MCM9: variants seen among roughly 807,000 people sequenced by gnomAD.
MCM9 encodes minichromosome maintenance 9 homologous recombination repair factor, also known as DNA helicase MCM9.
MCM9 carries 55 observed loss-of-function variants against 72.8 expected under a neutral mutation model. The observed-to-expected ratio is 0.76, with a 90% CI of 0.61 to 0.95. The LOEUF is 0.95. MCM9 is among the 40% of genes least tolerant of loss of function. MCM9 has a pLI of 0.00. For missense variants in MCM9, 1,279 were observed against 1,377.0 expected, an observed-to-expected ratio of 0.93 and a Z score of 1.13; for synonymous variants, 480 against 503.4, an observed-to-expected ratio of 0.95 and a Z score of 0.62.
intron 13 of MCM9, among the ~76,000 whole-genome samples, chr6:118,825,863 A>G (rs145914783): frequency 6.6e-6 from 1 of 152,260 alleles, no homozygotes; most frequent in East Asian, 1.9e-4. Flanking sequence ...TGGAGCAAAG[A>G]CAAGCTATCC....
At chr6:118,817,239 T>A (rs983036159) in intron 13 of MCM9, among the ~76,000 whole-genome samples, 14 of 151,994 alleles carry the variant, frequency 9.2e-5, no homozygotes, top group Non-Finnish European at 1.5e-5. Context: ...TCATTTAGGT[T>A]TTAAGCCCCA....
chr6:118,820,544 C>T (rs1479659485), intron 13 of MCM9, among the ~76,000 whole-genome samples: 1 of 152,010 alleles, frequency 6.6e-6, no homozygotes. Context: ...ACTTCCAATT[C>T]TGTGGTCAAT....
At chr6:118,933,089 C>A (rs1302342141) in intron 1 of MCM9, among the ~76,000 whole-genome samples, 2 of 152,098 alleles carry the variant, frequency 1.3e-5, no homozygotes, top group Non-Finnish European at 2.9e-5. Flanking sequence ...CAGTGCACTA[C>A]CAGTGGTCAA....
chr6:118,927,793 T>C (rs770041701), intron 3 of MCM9, among the ~76,000 whole-genome samples: 6 of 152,194 alleles, frequency 3.9e-5, no homozygotes, highest in African/African-American at 7.2e-5. Flanking sequence ...TAGAAAGCTA[T>C]CTTTAATTTG....
intron 9 of MCM9, among the ~76,000 whole-genome samples, chr6:118,841,705 A>C (rs780047125): frequency 2.6e-5 from 4 of 152,158 alleles, no homozygotes; most frequent in Non-Finnish European, 5.9e-5. Flanking sequence ...GTCTTGTTAC[A>C]CGGTTGTGAA....
At chr6:118,901,611 T>C (rs902735828) in intron 8 of MCM9, among the ~76,000 whole-genome samples, 1 of 152,236 alleles carries the variant, frequency 6.6e-6, no homozygotes, top group Non-Finnish European at 1.5e-5. Context: ...AAAAGTGTTA[T>C]TTCTTTTAAT....
At chr6:118,836,815 A>C (rs1356546965) in intron 9 of MCM9, among the ~76,000 whole-genome samples, 1 of 152,038 alleles carries the variant, frequency 6.6e-6, no homozygotes, top group Admixed American at 6.5e-5. Context: ...TGATTTTTTG[A>C]AGGGTTTTTC....
At chr6:118,827,865 A>G in intron 11 of MCM9, 62 bp downstream of exon 11, 2 of 1,452,700 alleles carry the variant, frequency 1.4e-6, no homozygotes, top group Non-Finnish European at 9.4e-7. Flanking sequence ...CATGGTGCCA[A>G]GCCCCATGCC....
chr6:118,836,458 G>A, intron 9 of MCM9, among the ~76,000 whole-genome samples: 1 of 152,212 alleles, frequency 6.6e-6, no homozygotes, highest in Non-Finnish European at 1.5e-5. Flanking sequence ...GAATCTGGCT[G>A]TGAATCCGCC....
chr6:118,914,811 G>A (rs899736332), intron 6 of MCM9, among the ~76,000 whole-genome samples: 3 of 152,146 alleles, frequency 2.0e-5, no homozygotes, highest in African/African-American at 7.2e-5. Context: ...ATATCCCTGT[G>A]GTAAGAGGAC....
intron 9 of MCM9, among the ~76,000 whole-genome samples, chr6:118,838,159 C>CTTTTTTTT (rs759862698): frequency 5.8e-5 from 7 of 119,712 alleles, no homozygotes; most frequent in South Asian, 2.7e-4. Context: ...GTTGAAAATT[C>CTTTTTTTT]TTTTTTTTTT....
At chr6:118,893,962 T>TCCGCCCCCCA in intron 8 of MCM9, 1 of 903,528 alleles carries the variant, frequency 1.1e-6, no homozygotes, top group African/African-American at 2.0e-5. Context: ...CCACGCCCCC[T>TCCGCCCCCCA]CCGCCCCTCT....
intron 8 of MCM9, among the ~76,000 whole-genome samples, chr6:118,875,004 T>C (rs572985558): frequency 5.3e-4 from 81 of 152,230 alleles, no homozygotes; most frequent in African/African-American, 1.8e-3. Flanking sequence ...TCCCAGCTTC[T>C]TGGGAGGCTG....
chr6:118,932,181 A>G (rs1387788675), intron 2 of MCM9, among the ~76,000 whole-genome samples: 3 of 152,210 alleles, frequency 2.0e-5, no homozygotes, highest in Admixed American at 2.0e-4. Flanking sequence ...TGCGAACAGT[A>G]TTCAGTACAA....
intron 8 of MCM9, chr6:118,893,915 C>T: frequency 6.4e-6 from 4 of 627,728 alleles, no homozygotes; most frequent in Admixed American, 6.4e-5. Flanking sequence ...TCGGCCGGAT[C>T]GCGCCCTCCC....
At chr6:118,863,771 G>A (rs181007772) in intron 8 of MCM9, among the ~76,000 whole-genome samples, 5 of 151,548 alleles carry the variant, frequency 3.3e-5, no homozygotes, top group African/African-American at 1.2e-4. Flanking sequence ...GAACTCTGCA[G>A]AGAGTCCTCA....
intron 8 of MCM9, among the ~76,000 whole-genome samples, chr6:118,899,129 C>T (rs773480413): frequency 6.6e-5 from 10 of 152,188 alleles, no homozygotes; most frequent in Non-Finnish European, 1.3e-4. Flanking sequence ...GTCCATGCCA[C>T]CATAATTTCT....
intron 8 of MCM9, chr6:118,893,951 G>T: frequency 1.1e-6 from 1 of 939,610 alleles, no homozygotes; most frequent in Non-Finnish European, 1.3e-6. Context: ...CCCCGCCGCG[G>T]CCACGCCCCC....
chr6:118,880,857 T>C (rs1444410567), intron 8 of MCM9, among the ~76,000 whole-genome samples: 2 of 152,224 alleles, frequency 1.3e-5, no homozygotes, highest in African/African-American at 4.8e-5. Flanking sequence ...TATCAAAGCA[T>C]AGTAGTCTCT....
Sources: allele counts gnomAD v4.1 joint callset (sites outside exome capture counted in the v4.1 genomes callset), GRCh38; gene constraint gnomAD v4.1.1; transcripts MANE v1.5; gene names NCBI Gene and HGNC (gene_info 2026-07-23, HGNC 2026-07-21).